The following NFIX variants were observed in gnomAD, a reference collection of about 807,000 sequenced individuals.
NFIX encodes the protein nuclear factor 1 X-type.
Under a neutral mutation model 53.3 loss-of-function variants are expected in NFIX, and 2 were observed. That is an observed-to-expected ratio of 0.04 (90% CI 0.02 to 0.12). The LOEUF (loss-of-function observed/expected upper bound fraction) is 0.12. NFIX is among the 10% of genes least tolerant of loss of function. The probability of loss-of-function intolerance (pLI) is 1.00; values close to 1 mark genes in which losing one functional copy is unlikely to be tolerated. For missense variants in NFIX, 310 were observed against 674.5 expected (o/e 0.46, Z 5.99); for synonymous variants, 244 against 289.0 (o/e 0.84, Z 1.58).
rs1159685978 is a variant in NFIX at position 12,998,127 on chromosome 19, G to A, written c.27+2263G>A. Among the ~76,000 whole-genome samples, 1 of 152,152 alleles carries A rather than the reference G, an allele frequency of 6.6e-6. No individual in the cohort carries two copies. Among genetic ancestry groups the A allele is most frequent in the African/African-American group, 2.4e-5 (1 of 41,444 alleles). ...TTTATGACAACCTCTTTCCTTTGCT[G>A]TCTTTTTCTCGGTCTGTTTTTATCG... On this transcript the variant is annotated intron_variant, in intron 1 of 10. Coordinates refer to ENST00000592199, the MANE Select transcript of NFIX (RefSeq NM_001365902.3). The surrounding 1 kb of genome is among the most constrained non-coding windows in gnomAD (Gnocchi z 4.4).
chr19:13,059,777 C>CTT (rs35128120), intron 2 of NFIX, among the ~76,000 whole-genome samples: 1,962 of 60,428 alleles, frequency 0.032, 12 homozygotes, highest in Middle Eastern at 0.091. Flanking sequence ...AATTAGAATT[C>CTT]TTTTTTTTTT....
rs1269718845 is a variant in NFIX at position 13,081,474 on chromosome 19, A to AT, written c.1079-204dup. 6.6e-6 allele frequency among the ~76,000 whole-genome samples: 1 copy of AT among 152,050 alleles called. No individual in the cohort carries two copies. Among genetic ancestry groups the AT allele is most frequent in the African/African-American group, 2.4e-5 (1 of 41,390 alleles). ...GTTTGCCTATTTGATTATTATTATT[A>AT]TTATTATTTTTGTATTGCATTAAAA... On this transcript the variant is annotated intron_variant, in intron 7 of 10. Transcript: ENST00000592199. The surrounding 1 kb of genome is among the most constrained non-coding windows in gnomAD (Gnocchi z 4.7).
chr19:13,047,821 T>C (rs1226721220), intron 2 of NFIX, among the ~76,000 whole-genome samples: 2 of 152,192 alleles, frequency 1.3e-5, no homozygotes, highest in African/African-American at 4.8e-5. Context: ...GTCTGTGGAC[T>C]TGGGGAAGAC....
chr19:13,012,580 TC>T lies in NFIX; in HGVS notation c.28-12436del, dbSNP rs1228164144. Among the ~76,000 whole-genome samples, 1 of 152,086 alleles carries T rather than the reference TC, an allele frequency of 6.6e-6. No homozygotes were observed. The highest frequency in any genetic ancestry group is 1.5e-5 in the Non-Finnish European group (1 of 68,006). ...GCATTTTTGCCTTAAGGCTAGTTTG[TC>T]CCCCAGGCGCGCGGGGGTTGGGGGT... On this transcript the variant is annotated intron_variant, in intron 1 of 10. Coordinates refer to ENST00000592199, the MANE Select transcript of NFIX (RefSeq NM_001365902.3). This position sits in a 1 kb window ranked among gnomAD's most constrained non-coding sequence, Gnocchi z 5.0.
intron 1 of NFIX, among the ~76,000 whole-genome samples, chr19:13,004,019 C>G (rs559865231): frequency 1.4e-4 from 21 of 152,246 alleles, no homozygotes; most frequent in Non-Finnish European, 1.8e-4. Context: ...AGGTGATCCT[C>G]CCGCCTCGGC....
rs1452626688 is a variant in NFIX at position 12,996,363 on chromosome 19, G to C, written c.27+499G>C. Among the ~76,000 whole-genome samples the C allele has an allele frequency of 2.0e-5, 3 of 152,120 alleles. No homozygotes were observed. On this transcript the variant is annotated intron_variant, in intron 1 of 10. Transcript: ENST00000592199. The surrounding 1 kb of genome is among the most constrained non-coding windows in gnomAD (Gnocchi z 5.2). Reference sequence around the variant, plus strand: ...GGGGAGGGCGCAGCGGTTCCCGAGGGTGGCAGTGGCCGGCGTGCGTGGCGG... The same window carrying C: ...GGGGAGGGCGCAGCGGTTCCCGAGGCTGGCAGTGGCCGGCGTGCGTGGCGG...
chr19:13,056,430 G>A (rs1363488096), intron 2 of NFIX, among the ~76,000 whole-genome samples: 1 of 152,204 alleles, frequency 6.6e-6, no homozygotes, highest in Non-Finnish European at 1.5e-5. Flanking sequence ...TTGGAGAGGT[G>A]AGCTTGCATA....
intron 2 of NFIX, chr19:13,069,816 G>T (rs1041928857): frequency 3.3e-5 from 5 of 152,280 alleles, no homozygotes; most frequent in Non-Finnish European, 7.3e-5. Flanking sequence ...CCGTGGATTT[G>T]TGTATTTGTT....
intron 6 of NFIX, 46 bp downstream of exon 6, chr19:13,075,717 T>A (rs766665707): frequency 1.9e-6 from 3 of 1,591,676 alleles, no homozygotes; most frequent in Non-Finnish European, 2.6e-6. Context: ...CAGCCCAGAG[T>A]CTTTTTGTCC....
intron 2 of NFIX, among the ~76,000 whole-genome samples, chr19:13,042,355 CT>C (rs35785662): frequency 6.8e-4 from 68 of 100,582 alleles, no homozygotes; most frequent in Admixed American, 2.2e-3. Context: ...CTTTTACATG[CT>C]TTTTTTTTTT....
Position 13,023,320 on chromosome 19 carries a change from T to C in NFIX, c.28-1701T>C, listed in dbSNP as rs558590875. 5.4e-5 allele frequency among the ~76,000 whole-genome samples: 8 copies of C among 148,880 alleles called. No homozygotes were observed. In the East Asian group the frequency reaches 1.6e-3, roughly 30 times the overall value. On this transcript the variant is annotated intron_variant, in intron 1 of 10. Coordinates refer to ENST00000592199, the MANE Select transcript of NFIX (RefSeq NM_001365902.3). Reference sequence around the variant, plus strand: ...ATCCTCGATCTCTCCCTCCCCCCCTTCTTCCTTTCCTCCCTCCCTCGCTCC... The same window carrying C: ...ATCCTCGATCTCTCCCTCCCCCCCTCCTTCCTTTCCTCCCTCCCTCGCTCC...
In NFIX at chr19:13,001,365, C is replaced by T. The variant is rs1043701155; in HGVS notation, c.27+5501C>T. ...ACCTGCATGTGACTCCACGGATCAT[C>T]GCACGCCCTGTCTCTTGTGTATTTG... On this transcript the variant is annotated intron_variant, in intron 1 of 10. Coordinates refer to ENST00000592199, the MANE Select transcript of NFIX (RefSeq NM_001365902.3). The surrounding 1 kb of genome is among the most constrained non-coding windows in gnomAD (Gnocchi z 6.5). Among the ~76,000 whole-genome samples, 2 of 152,124 alleles carry T rather than the reference C, an allele frequency of 1.3e-5. No homozygotes were observed. The highest frequency in any genetic ancestry group is 2.1e-4 in the South Asian group (1 of 4,828).
chr19:12,999,127 T>G (rs1568249666), intron 1 of NFIX, among the ~76,000 whole-genome samples: 2 of 151,752 alleles, frequency 1.3e-5, no homozygotes, highest in Non-Finnish European at 2.9e-5. Flanking sequence ...CACAGAGACA[T>G]AATGCAGTTG....
chr19:13,019,637 G>A (rs771752616), intron 1 of NFIX, among the ~76,000 whole-genome samples: 2 of 150,908 alleles, frequency 1.3e-5, no homozygotes, highest in Non-Finnish European at 2.9e-5. Flanking sequence ...TCTGTTGGGG[G>A]TACATTTCTC....
chr19:13,073,789 C>A lies in NFIX; in HGVS notation c.698-117C>A. 8 of 1,402,994 alleles carry A rather than the reference C, an allele frequency of 5.7e-6. No individual in the cohort carries two copies. Among genetic ancestry groups the A allele is most frequent in the Non-Finnish European group, 6.9e-6 (7 of 1,018,372 alleles). 86.9% of individuals were successfully genotyped at this position (1,402,994 alleles called of 1,614,324 possible). A position where few individuals can be genotyped will look rare whatever the true frequency, so the allele number is the denominator to read the frequency against. On this transcript the variant is annotated intron_variant, in intron 4 of 10. Coordinates refer to ENST00000592199, the MANE Select transcript of NFIX (RefSeq NM_001365902.3). This position sits in a 1 kb window ranked among gnomAD's most constrained non-coding sequence, Gnocchi z 4.5. ...GCCCAGATGGCCCACTTTCTCCCATCTCCTGGCCCCACAGTAAACTCACCC... is the reference window on the plus strand; with the variant it reads ...GCCCAGATGGCCCACTTTCTCCCATATCCTGGCCCCACAGTAAACTCACCC...
rs2011788853 is a variant in NFIX, at chr19:13,002,812, G to A, written c.27+6948G>A. On this transcript the variant is annotated intron_variant, in intron 1 of 10. Transcript: ENST00000592199. This position sits in a 1 kb window ranked among gnomAD's most constrained non-coding sequence, Gnocchi z 6.1. ...GGGCCCCACCCTGAGGGGAGCCGGGGGTGGTGGCCAGCAGTGGGCAGGGGG... is the reference window on the plus strand; with the variant it reads ...GGGCCCCACCCTGAGGGGAGCCGGGAGTGGTGGCCAGCAGTGGGCAGGGGG... 6.6e-6 allele frequency among the ~76,000 whole-genome samples: 1 copy of A among 152,198 alleles called. No individual in the cohort carries two copies. The highest frequency in any genetic ancestry group is 6.5e-5 in the Admixed American group (1 of 15,288).
At chr19:13,047,018 T>G (rs930021413) in intron 2 of NFIX, among the ~76,000 whole-genome samples, 1 of 152,196 alleles carries the variant, frequency 6.6e-6, no homozygotes, top group Non-Finnish European at 1.5e-5. Flanking sequence ...CCACTAAGGC[T>G]GCCAGATCTG....
At chr19:13,029,493 TCTC>T (rs773639145) in intron 2 of NFIX, among the ~76,000 whole-genome samples, 5 of 152,160 alleles carry the variant, frequency 3.3e-5, no homozygotes, top group Non-Finnish European at 5.9e-5. Flanking sequence ...AGGTAGTCCT[TCTC>T]CTCTTCCTCT....
In NFIX at chr19:13,027,809, C is replaced by T. The variant is rs571399492; in HGVS notation, c.559+2257C>T. On this transcript the variant is annotated intron_variant, in intron 2 of 10. Transcript: ENST00000592199. The surrounding 1 kb of genome is among the most constrained non-coding windows in gnomAD (Gnocchi z 4.3). Reference sequence around the variant, plus strand: ...GAATTCATACCCCATTCCATGTAGCCGAGGCCACTTCTCTGGGCTGGGGCT... The same window carrying T: ...GAATTCATACCCCATTCCATGTAGCTGAGGCCACTTCTCTGGGCTGGGGCT... Among the ~76,000 whole-genome samples, 5 of 152,278 alleles carry T rather than the reference C, an allele frequency of 3.3e-5. No homozygotes were observed. Among genetic ancestry groups the T allele is most frequent in the African/African-American group, 9.6e-5 (4 of 41,552 alleles).
Sources: allele counts gnomAD v4.1 joint callset (sites outside exome capture counted in the v4.1 genomes callset), GRCh38; gene constraint gnomAD v4.1.1; non-coding constraint Gnocchi (gnomAD v3.1); transcripts MANE v1.5; gene names NCBI Gene and HGNC (gene_info 2026-07-23, HGNC 2026-07-21).